Variants in XDH observed in about 807,000 individuals in gnomAD.
XDH encodes xanthine dehydrogenase/oxidase.
Under a neutral mutation model 156.1 loss-of-function variants are expected in XDH, and 138 were observed. The observed-to-expected ratio is 0.88, with a 90% confidence interval of 0.77 to 1.02. XDH has a LOEUF of 1.02. XDH is among the 50% of genes least tolerant of loss of function. XDH has a pLI of 0.00. For missense variants in XDH, 1,849 were observed against 1,684.9 expected, an observed-to-expected ratio of 1.10 and a Z score of -1.71; for synonymous variants, 669 against 625.7, an observed-to-expected ratio of 1.07 and a Z score of -1.03.
intron 17 of XDH, among the ~76,000 whole-genome samples, chr2:31,370,756 T>C (rs1425172418): frequency 6.6e-6 from 1 of 152,146 alleles, no homozygotes; most frequent in Non-Finnish European, 1.5e-5. Context: ...TCCCAGCACC[T>C]TGGCAGGTCA....
chr2:31,349,195 G>C (rs1211374588), intron 26 of XDH, among the ~76,000 whole-genome samples: 1 of 152,148 alleles, frequency 6.6e-6, no homozygotes, highest in Non-Finnish European at 1.5e-5. Context: ...ATCTTGGGCT[G>C]TCATCATCTC....
intron 3 of XDH, among the ~76,000 whole-genome samples, chr2:31,402,692 G>C (rs978268186): frequency 4.6e-5 from 7 of 152,182 alleles, no homozygotes; most frequent in African/African-American, 1.4e-4. Context: ...GGCCCATGGT[G>C]AGAAAGAAAA....
chr2:31,374,685 C>A (rs1196105724), intron 15 of XDH, among the ~76,000 whole-genome samples: 1 of 152,210 alleles, frequency 6.6e-6, no homozygotes, highest in Non-Finnish European at 1.5e-5. Flanking sequence ...GTCCCTGCAT[C>A]AGTGACATCC....
intron 12 of XDH, among the ~76,000 whole-genome samples, 184 bp downstream of exon 12, chr2:31,381,449 C>T (rs1359138948): frequency 6.6e-6 from 1 of 152,204 alleles, no homozygotes; most frequent in Non-Finnish European, 1.5e-5. Context: ...GAATTCTCTA[C>T]AGAGAAAATA....
rs1486757424 is a variant in XDH at position 31,366,986 on chromosome 2, A to G, written c.2206T>C (p.Tyr736His). ...EADNVVSGEIYIGGQEHFYLE... is the reference protein window; with the variant it reads ...EADNVVSGEIHIGGQEHFYLE... ...TAGAAGTGCTCTTGGCCACCGATGTATATCTCCCCTGGGGAAGCAGTGAGA... is the reference window on the plus strand; with the variant it reads ...TAGAAGTGCTCTTGGCCACCGATGTGTATCTCCCCTGGGGAAGCAGTGAGA... Residue 736 changes from tyrosine to histidine, a missense_variant, in exon 21 of 36, where the codon TAC (tyrosine) becomes CAC (histidine). Transcript: ENST00000379416. 5 of 1,614,086 alleles carry G rather than the reference A, an allele frequency of 3.1e-6. No homozygotes were observed. In the Admixed American group the frequency reaches 5.0e-5, roughly 16 times the overall value.
At position 31,391,596 on chromosome 2, in the gene XDH, A is replaced by G. The variant is rs189585488; in HGVS notation, c.496-3301T>C. On this transcript the variant is annotated intron_variant, in intron 6 of 35. Transcript: ENST00000379416. ...GAGTCTACAGTTGGGAACAACTGAC[A>G]TCTTGACATATTCAGTCTCCTTATT... 1.7e-3 allele frequency among the ~76,000 whole-genome samples: 263 copies of G among 152,340 alleles called. 1 individual carries two copies. Among genetic ancestry groups the G allele is most frequent in the African/African-American group, 6.0e-3 (251 of 41,582 alleles).
chr2:31,341,492 C>T (rs541672631), intron 32 of XDH, 98 bp from the exon 33 acceptor site: 12 of 1,263,702 alleles, frequency 9.5e-6, no homozygotes, highest in Non-Finnish European at 1.4e-5. Context: ...AAGTGCCAAC[C>T]AAAGAGTACG....
chr2:31,366,060 C>A lies in XDH; in HGVS notation c.2372G>T (p.Arg791Leu), dbSNP rs143887178. The A allele has an allele frequency of 1.2e-6, 2 of 1,614,052 alleles. No individual in the cohort carries two copies. The highest frequency in any genetic ancestry group is 1.7e-6 in the Non-Finnish European group (2 of 1,180,036). Residue 791 changes from arginine to leucine, a missense_variant, in exon 22 of 36, where the codon CGA becomes CTA. Coordinates refer to ENST00000379416, the MANE Select transcript of XDH (RefSeq NM_000379.4). ...AAAGCCTCCTCCCATTCTCTTCACT[C>A]GAACCACAATCCGGTTTGCTGGAAC... is the stretch of plus-strand genomic sequence containing the variant. ...LGVPANRIVV[R>L]VKRMGGGFGG...
At chr2:31,358,022 G>A (rs1293053308) in intron 24 of XDH, among the ~76,000 whole-genome samples, 1 of 151,184 alleles carries the variant, frequency 6.6e-6, no homozygotes, top group Non-Finnish European at 1.5e-5. Context: ...TAAGCTCTAG[G>A]ACAGATCAAC....
At chr2:31,344,111 T>C (rs1685216625) in intron 31 of XDH, among the ~76,000 whole-genome samples, 1 of 152,200 alleles carries the variant, frequency 6.6e-6, no homozygotes, top group Admixed American at 6.5e-5. Context: ...TCTCTAGCTA[T>C]TCACGCTGCT....
chr2:31,414,484 A>G, intron 1 of XDH, 141 bp downstream of exon 1: 2 of 1,252,824 alleles, frequency 1.6e-6, no homozygotes, highest in Non-Finnish European at 2.3e-6. Context: ...AAATGCAGCG[A>G]CACCTTTAAA....
chr2:31,385,492 TTC>T (rs1686563917), intron 9 of XDH, among the ~76,000 whole-genome samples: 1 of 152,160 alleles, frequency 6.6e-6, no homozygotes, highest in African/African-American at 2.4e-5. Flanking sequence ...TGGCAGCTCC[TTC>T]AGGAACCAGA....
At chr2:31,342,324 A>G (rs773070748) in intron 31 of XDH, 27 bp from the exon 32 acceptor site, 4 of 1,572,706 alleles carry the variant, frequency 2.5e-6, no homozygotes, top group Non-Finnish European at 3.5e-6. Context: ...AAGGTACTGC[A>G]CATGTATTAA....
rs369723927 is a variant in XDH at position 31,335,949 on chromosome 2, ACT to A, written c.*7_*8del. On this transcript the variant is annotated 3_prime_UTR_variant, in exon 36 of 36. Transcript: ENST00000379416. ...GCAGCACAAGAAGACTCTGCTGAGG[ACT>A]CTCTCTTTAGACCCTCACAGACCAG... 9 of 1,613,968 alleles carry A rather than the reference ACT, an allele frequency of 5.6e-6. No individual in the cohort carries two copies. In the East Asian group the frequency reaches 1.1e-4, roughly 20 times the overall value.
chr2:31,340,361 T>G (rs1407848664), intron 33 of XDH, among the ~76,000 whole-genome samples: 3 of 152,238 alleles, frequency 2.0e-5, no homozygotes, highest in Non-Finnish European at 2.9e-5. Flanking sequence ...TTTCGTATAC[T>G]CAGTAGTTGT....
intron 1 of XDH, 84 bp from the exon 2 acceptor site, chr2:31,406,048 T>G: frequency 6.9e-7 from 1 of 1,454,066 alleles, no homozygotes; most frequent in Non-Finnish European, 9.6e-7. Flanking sequence ...AGTGTCTCAC[T>G]CAATAATTTG....
chr2:31,367,353 C>T (rs747577723), intron 20 of XDH, among the ~76,000 whole-genome samples: 2 of 152,186 alleles, frequency 1.3e-5, no homozygotes, highest in Non-Finnish European at 2.9e-5. Flanking sequence ...ACACTGAAAA[C>T]CAGCGCATGT....
At position 31,403,062 on chromosome 2, in the gene XDH, CA is replaced by C; in HGVS notation, c.182del (p.Leu61ArgfsTer25). On this transcript the variant is annotated frameshift_variant, in exon 3 of 36. Coordinates refer to ENST00000379416, the MANE Select transcript of XDH (RefSeq NM_000379.4). LOFTEE classifies it high-confidence loss of function. Reference protein sequence around the residue: ...CTVMLSKYDRLQNKIVHFSAN... With the variant: ...CTVMLSKYDRXQNKIVHFSAN... ...GCAAAGGATACACGATCTTGTTCTGCAGACGATCATACTTGGAGAGCATCAC... is the reference window on the plus strand; with the variant it reads ...GCAAAGGATACACGATCTTGTTCTGCGACGATCATACTTGGAGAGCATCAC... 6.2e-7 allele frequency: 1 copy of C among 1,614,178 alleles called. No individual in the cohort carries two copies. Among genetic ancestry groups the C allele is most frequent in the Non-Finnish European group, 8.5e-7 (1 of 1,180,034 alleles).
chr2:31,355,479 A>C (rs1294803151), intron 24 of XDH, among the ~76,000 whole-genome samples: 2 of 152,094 alleles, frequency 1.3e-5, no homozygotes, highest in Non-Finnish European at 2.9e-5. Context: ...TATTTAAAAT[A>C]AAAATAATAT....
Sources: allele counts gnomAD v4.1 joint callset (sites outside exome capture counted in the v4.1 genomes callset), GRCh38; gene constraint gnomAD v4.1.1; transcripts MANE v1.5; gene names NCBI Gene and HGNC (gene_info 2026-07-23, HGNC 2026-07-21).